The following PAFAH2 variants were observed in gnomAD, a reference collection of about 807,000 sequenced individuals.
PAFAH2 encodes the protein platelet-activating factor acetylhydrolase 2, cytoplasmic.
Under a neutral mutation model 49.0 loss-of-function variants are expected in PAFAH2, and 42 were observed. That is an observed-to-expected ratio of 0.86 (90% CI 0.67 to 1.11). The LOEUF (loss-of-function observed/expected upper bound fraction) is 1.11. Ranked by LOEUF, PAFAH2 falls within the 50% of genes least tolerant of loss-of-function variation. PAFAH2 has a pLI of 0.00. For synonymous variants in PAFAH2, 184 were observed against 181.3 expected, an observed-to-expected ratio of 1.01 and a Z score of -0.12; for missense variants, 503 against 501.8, an observed-to-expected ratio of 1.00 and a Z score of -0.02.
chr1:25,970,024 G>T (rs968240725), intron 10 of PAFAH2, among the ~76,000 whole-genome samples: 1 of 152,144 alleles, frequency 6.6e-6, no homozygotes, highest in East Asian at 1.9e-4. Flanking sequence ...CGAACAGGCA[G>T]AAATATAAAA....
chr1:25,997,966 A>T (rs1360597256), intron 1 of PAFAH2, 59 bp downstream of exon 1: 1 of 152,256 alleles, frequency 6.6e-6, no homozygotes, highest in Non-Finnish European at 1.5e-5. Context: ...CCGGGCCAGA[A>T]TACAAAAGTC....
intron 10 of PAFAH2, among the ~76,000 whole-genome samples, chr1:25,963,577 C>T (rs1418297503): frequency 6.6e-6 from 1 of 152,150 alleles, no homozygotes; most frequent in Admixed American, 6.5e-5. Flanking sequence ...AATCTCGGCT[C>T]AACGCAACCT....
At chr1:25,989,758 T>C (rs755379250) in intron 2 of PAFAH2, among the ~76,000 whole-genome samples, 157 bp from the exon 3 acceptor site, 13 of 152,194 alleles carry the variant, frequency 8.5e-5, no homozygotes, top group Admixed American at 1.3e-4. Flanking sequence ...CATTCAGAAA[T>C]CTGGAAAGAA....
chr1:25,972,689 G>A lies in PAFAH2; in HGVS notation c.953C>T (p.Thr318Ile). 6.2e-7 allele frequency: 1 copy of A among 1,613,964 alleles called. No individual in the cohort carries two copies. ...GTTGCCAGTCACAAAAGCAAAGTCA[G>A]TTTGACTCCGATGAACAGAACCACT... ...TVLGSVHRSQTDFAFVTGNLI... is the reference protein window; with the variant it reads ...TVLGSVHRSQIDFAFVTGNLI... Residue 318 changes from threonine (T) to isoleucine (I), a missense_variant, in exon 10 of 11, where the codon ACT (threonine) becomes ATT (isoleucine). Thr to Ile is a moderately conservative substitution (Grantham distance 89). Coordinates refer to ENST00000374282, the MANE Select transcript of PAFAH2 (RefSeq NM_000437.4).
intron 2 of PAFAH2, 121 bp from the exon 3 acceptor site, chr1:25,989,722 G>T: frequency 1.5e-6 from 1 of 673,648 alleles, no homozygotes; most frequent in Non-Finnish European, 2.2e-6. Context: ...GGAAACTGAA[G>T]TTTCAATTAG....
At chr1:25,984,182 GAT>G in intron 5 of PAFAH2, 95 bp from the exon 6 acceptor site, 1 of 1,455,810 alleles carries the variant, frequency 6.9e-7, no homozygotes, top group Non-Finnish European at 9.6e-7. Context: ...GGAGGCTCTA[GAT>G]CACCCTTTGG....
chr1:25,980,176 C>T (rs1363002078), intron 7 of PAFAH2, among the ~76,000 whole-genome samples: 1 of 152,240 alleles, frequency 6.6e-6, no homozygotes, highest in Non-Finnish European at 1.5e-5. Flanking sequence ...ATGTTTGACT[C>T]TACCACTTAC....
At chr1:25,993,171 T>G (rs1037674739) in intron 1 of PAFAH2, among the ~76,000 whole-genome samples, 1 of 152,192 alleles carries the variant, frequency 6.6e-6, no homozygotes, top group African/African-American at 2.4e-5. Context: ...CCTTTCTTGG[T>G]TAAACCAACT....
chr1:25,967,355 C>G (rs963740143), intron 10 of PAFAH2, among the ~76,000 whole-genome samples: 2 of 152,136 alleles, frequency 1.3e-5, no homozygotes, highest in African/African-American at 4.8e-5. Flanking sequence ...TATTAGATGA[C>G]TAAGTAGAGT....
At chr1:25,982,326 G>C in intron 7 of PAFAH2, 38 bp downstream of exon 7, 1 of 1,438,358 alleles carries the variant, frequency 7.0e-7, no homozygotes. Flanking sequence ...AGAAAACCCT[G>C]AATACTGGGC....
At chr1:25,973,678 A>C (rs1303247239) in intron 9 of PAFAH2, among the ~76,000 whole-genome samples, 2 of 152,184 alleles carry the variant, frequency 1.3e-5, no homozygotes, top group African/African-American at 4.8e-5. Flanking sequence ...GGAAGAAGCC[A>C]CTGGCCATAC....
intron 10 of PAFAH2, among the ~76,000 whole-genome samples, chr1:25,964,637 T>A (rs1296034339): frequency 6.6e-6 from 1 of 152,152 alleles, no homozygotes; most frequent in South Asian, 2.1e-4. Flanking sequence ...TCAATCCCAT[T>A]TGTAATGGCC....
chr1:25,974,621 A>C lies in PAFAH2; in HGVS notation c.788T>G (p.Phe263Cys), dbSNP rs756742054. The C allele has an allele frequency of 6.2e-7, 1 of 1,614,004 alleles. No individual in the cohort carries two copies. Among genetic ancestry groups the C allele is most frequent in the African/African-American group, 1.3e-5 (1 of 74,928 alleles). ...GGGGTAAAAGTCACGTTCCAGAGGA[A>C]ACATCCAAGCATCCAGAGCCACCGC... is the stretch of plus-strand genomic sequence containing the variant. ...RCAVALDAWM[F>C]PLERDFYPKA... The change falls in exon 9 of 11, where the codon TTT (phenylalanine) becomes TGT (cysteine). Residue 263 changes from phenylalanine to cysteine, a missense_variant. Coordinates refer to ENST00000374282, the MANE Select transcript of PAFAH2 (RefSeq NM_000437.4).
At position 25,984,080 on chromosome 1, in the gene PAFAH2, A is replaced by C; in HGVS notation, c.418T>G (p.Ser140Ala). The C allele has an allele frequency of 1.9e-6, 3 of 1,613,962 alleles. No homozygotes were observed. The highest frequency in any genetic ancestry group is 1.7e-6 in the Non-Finnish European group (2 of 1,179,934). The change falls in exon 6 of 11, where the codon TCA (serine) becomes GCA (alanine). Residue 140 changes from serine (S) to alanine (A), a missense_variant. By Grantham distance (99) the Ser-to-Ala change is moderately conservative. Transcript: ENST00000374282. ...VVAVPEHRDR[S>A]AATTYFCKQA... ...TTGCAGAAATAGGTGGTTGCCGCTG[A>C]CCGGTCCCTGAAATACACACATCAT...
At position 25,983,945 on chromosome 1, in the gene PAFAH2, C is replaced by G; in HGVS notation, c.552+1G>C. 1 of 1,614,086 alleles carries G rather than the reference C, an allele frequency of 6.2e-7. No individual in the cohort carries two copies. The highest frequency in any genetic ancestry group is 1.1e-5 in the South Asian group (1 of 91,076). On this transcript the variant is annotated splice_donor_variant, in intron 6 of 10. Coordinates refer to ENST00000374282, the MANE Select transcript of PAFAH2 (RefSeq NM_000437.4). LOFTEE classifies it high-confidence loss of function. ...TCCCTCCCCAACTGGCACAAACTTACCTGGGGATTCCGAACATGAAATTCC... is the reference window on the plus strand; with the variant it reads ...TCCCTCCCCAACTGGCACAAACTTAGCTGGGGATTCCGAACATGAAATTCC...
rs114528008 is a variant in PAFAH2 at position 25,963,205 on chromosome 1, G to A, written c.1085-1122C>T. ...CAGTGCCCTGCCAGGAACCTGGCACGGAATAGGTCCTCAATGTATAAGTAC... is the reference window on the plus strand; with the variant it reads ...CAGTGCCCTGCCAGGAACCTGGCACAGAATAGGTCCTCAATGTATAAGTAC... On this transcript the variant is annotated intron_variant, in intron 10 of 10. Transcript: ENST00000374282. 2.5e-3 allele frequency among the ~76,000 whole-genome samples: 388 copies of A among 152,246 alleles called. 3 individuals are homozygous for A. Among genetic ancestry groups the A allele is most frequent in the African/African-American group, 7.7e-3 (318 of 41,538 alleles).
intron 10 of PAFAH2, among the ~76,000 whole-genome samples, chr1:25,967,817 C>T (rs916226573): frequency 6.6e-6 from 1 of 152,002 alleles, no homozygotes; most frequent in Non-Finnish European, 1.5e-5. Context: ...TTATTTTTTT[C>T]TAGGAGAAAC....
chr1:25,993,551 G>C (rs2049902664), intron 1 of PAFAH2, among the ~76,000 whole-genome samples: 1 of 152,080 alleles, frequency 6.6e-6, no homozygotes, highest in Non-Finnish European at 1.5e-5. Flanking sequence ...ATTTAACTTT[G>C]AAAGATAAGA....
chr1:25,992,757 G>T (rs2049893571), intron 1 of PAFAH2, among the ~76,000 whole-genome samples: 2 of 152,142 alleles, frequency 1.3e-5, no homozygotes, highest in Non-Finnish European at 2.9e-5. Flanking sequence ...TTGTGATTTG[G>T]GTGGGGCTGA....
Sources: gnomAD v4.1 joint callset for allele counts (sites outside exome capture counted in the v4.1 genomes callset) on GRCh38, gnomAD v4.1.1 for gene constraint, MANE v1.5 for transcripts, NCBI Gene and HGNC (gene_info 2026-07-23, HGNC 2026-07-21) for gene names.